The following DCC variants were observed in gnomAD, a reference collection of about 807,000 sequenced individuals.
DCC encodes the protein DCC netrin 1 receptor, also known as netrin receptor DCC.
In DCC, 58 loss-of-function variants were observed where a neutral mutation model predicts 172.5. That is an observed-to-expected ratio of 0.34 (90% CI 0.27 to 0.42). The LOEUF is 0.42. Among genes scored for constraint, DCC ranks in the 10% least tolerant of loss-of-function variants. The pLI is 1.00. For missense variants in DCC, 1,740 were observed against 1,791.0 expected (o/e 0.97, Z 0.51); for synonymous variants, 709 against 644.5 (o/e 1.10, Z -1.52).
chr18:53,062,922 C>T (rs1367645476), intron 5 of DCC, among the ~76,000 whole-genome samples: 2 of 152,126 alleles, frequency 1.3e-5, no homozygotes, highest in African/African-American at 2.4e-5. Flanking sequence ...TCTGGGTTGT[C>T]TCAGTTCCAC....
chr18:53,249,400 G>T (rs750192557), intron 12 of DCC, among the ~76,000 whole-genome samples: 1 of 151,842 alleles, frequency 6.6e-6, no homozygotes, highest in Non-Finnish European at 1.5e-5. Context: ...ATCTAGTCAC[G>T]TGTTTTTGAC....
chr18:52,778,125 A>G (rs1314597495), intron 2 of DCC, among the ~76,000 whole-genome samples: 1 of 152,228 alleles, frequency 6.6e-6, no homozygotes, highest in Admixed American at 6.5e-5. Flanking sequence ...GAAGTCAGTA[A>G]ATAATGTCTA....
intron 19 of DCC, among the ~76,000 whole-genome samples, chr18:53,408,460 G>T (rs919206454): frequency 1.3e-5 from 2 of 152,184 alleles, no homozygotes; most frequent in African/African-American, 4.8e-5. Flanking sequence ...TTGGGCAGAC[G>T]TCTTCATCAA....
At chr18:52,400,554 G>T (rs1986395764) in intron 1 of DCC, among the ~76,000 whole-genome samples, 3 of 151,952 alleles carry the variant, frequency 2.0e-5, no homozygotes, top group Admixed American at 2.0e-4. Context: ...CAAGGATCTA[G>T]AACCAGAAAT....
chr18:52,952,069 G>T (rs950373721), intron 5 of DCC, among the ~76,000 whole-genome samples: 1 of 152,114 alleles, frequency 6.6e-6, no homozygotes, highest in African/African-American at 2.4e-5. Context: ...CTTTGAAAAA[G>T]ATCAATCTAT....
intron 1 of DCC, among the ~76,000 whole-genome samples, chr18:52,541,310 C>T (rs74664743): frequency 0.034 from 5,219 of 152,268 alleles, 123 homozygotes; most frequent in Non-Finnish European, 0.051. Flanking sequence ...CAATTGAGCT[C>T]AGAGCTGTGA....
rs140593675 is a variant in DCC, at chr18:53,529,038, TCACACACACACACACA to T, written c.4255-1495_4255-1480del. Among the ~76,000 whole-genome samples the T allele has an allele frequency of 2.5e-3, 164 of 65,264 alleles. 1 individual carries two copies. The highest frequency in any genetic ancestry group is 8.7e-3 in the African/African-American group (149 of 17,160). 42.8% of individuals were successfully genotyped at this position (65,264 alleles called of 152,430 possible). A position where few individuals can be genotyped will look rare whatever the true frequency, so the allele number is the denominator to read the frequency against. Reference sequence around the variant, plus strand: ...CTCTCTCTCTCTCTCTCTCTCTCTCTCACACACACACACACACACACACACACACACACACACACAC... The same window carrying T: ...CTCTCTCTCTCTCTCTCTCTCTCTCTCACACACACACACACACACACACAC... On this transcript the variant is annotated intron_variant, in intron 28 of 28. Coordinates refer to ENST00000442544, the MANE Select transcript of DCC (RefSeq NM_005215.4).
At chr18:53,088,968 C>T (rs1484572852) in intron 7 of DCC, among the ~76,000 whole-genome samples, 1 of 152,138 alleles carries the variant, frequency 6.6e-6, no homozygotes, top group Non-Finnish European at 1.5e-5. Flanking sequence ...ATAAGTAACT[C>T]TATGCAGTTG....
At chr18:53,224,129 G>T (rs2055985690) in intron 12 of DCC, among the ~76,000 whole-genome samples, 1 of 152,142 alleles carries the variant, frequency 6.6e-6, no homozygotes, top group Non-Finnish European at 1.5e-5. Context: ...TGACACAAGG[G>T]AGTGGTAAGT....
chr18:52,569,070 A>G (rs577294530), intron 1 of DCC, among the ~76,000 whole-genome samples: 2 of 152,190 alleles, frequency 1.3e-5, no homozygotes, highest in Non-Finnish European at 2.9e-5. Context: ...CATGCTTTGA[A>G]TCATTGATAA....
At chr18:52,716,372 G>A (rs960717362) in intron 1 of DCC, among the ~76,000 whole-genome samples, 6 of 152,172 alleles carry the variant, frequency 3.9e-5, no homozygotes, top group Non-Finnish European at 7.4e-5. Context: ...AACCCATGAC[G>A]GACAGTAAAG....
chr18:52,431,952 G>A (rs1184667997), intron 1 of DCC, among the ~76,000 whole-genome samples: 1 of 152,136 alleles, frequency 6.6e-6, no homozygotes, highest in East Asian at 1.9e-4. Flanking sequence ...TGACACCTTT[G>A]AAACCCAAGA....
chr18:53,165,054 T>A (rs994104579), intron 8 of DCC, among the ~76,000 whole-genome samples: 3 of 152,116 alleles, frequency 2.0e-5, no homozygotes, highest in Admixed American at 6.5e-5. Flanking sequence ...TAAAATACAG[T>A]GGGAGTGCAG....
chr18:53,099,949 TTTTTTTTTTTTG>T (rs2043144235), intron 7 of DCC, among the ~76,000 whole-genome samples: 3 of 128,000 alleles, frequency 2.3e-5, no homozygotes, highest in South Asian at 2.3e-4. Flanking sequence ...CTTTCTTTTT[TTTTTTTTTTTTG>T]TTTGAGACAG....
intron 5 of DCC, among the ~76,000 whole-genome samples, chr18:53,053,953 G>C (rs2042368249): frequency 1.3e-5 from 2 of 152,070 alleles, no homozygotes; most frequent in East Asian, 1.9e-4. Context: ...ACTTTATTCT[G>C]TGTGATCATA....
intron 9 of DCC, among the ~76,000 whole-genome samples, chr18:53,194,684 G>T (rs2055417795): frequency 6.6e-6 from 1 of 152,134 alleles, no homozygotes; most frequent in Admixed American, 6.5e-5. Flanking sequence ...TGCCCAGGCT[G>T]GTCTTGAATT....
chr18:53,485,331 A>G (rs1219954084), intron 25 of DCC, among the ~76,000 whole-genome samples: 1 of 152,138 alleles, frequency 6.6e-6, no homozygotes, highest in Non-Finnish European at 1.5e-5. Context: ...TACACTCCAA[A>G]GCAAGAATTT....
intron 1 of DCC, among the ~76,000 whole-genome samples, chr18:52,441,694 C>A (rs1484237876): frequency 2.0e-5 from 3 of 152,030 alleles, no homozygotes; most frequent in African/African-American, 7.2e-5. Context: ...CCTTTTTTAA[C>A]CTTAAAGGTA....
intron 1 of DCC, among the ~76,000 whole-genome samples, chr18:52,432,753 G>A (rs1056926159): frequency 1.3e-5 from 2 of 152,130 alleles, no homozygotes; most frequent in Non-Finnish European, 2.9e-5. Flanking sequence ...ACTCTTTTAT[G>A]TTTAAGCTAC....
Sources: gnomAD v4.1 joint callset for allele counts (sites outside exome capture counted in the v4.1 genomes callset) on GRCh38, gnomAD v4.1.1 for gene constraint, MANE v1.5 for transcripts, NCBI Gene and HGNC (gene_info 2026-07-23, HGNC 2026-07-21) for gene names.